RBFOX1: variants seen among roughly 807,000 people sequenced by gnomAD.
RBFOX1 encodes RNA binding protein fox-1 homolog 1.
In RBFOX1, 8 loss-of-function variants were observed where a neutral mutation model predicts 57.7. The observed-to-expected ratio is 0.14, with a 90% CI of 0.08 to 0.25. The LOEUF is 0.25. Among genes scored for constraint, RBFOX1 ranks in the 10% least tolerant of loss-of-function variants. The pLI is 1.00. For missense variants in RBFOX1, 611 were observed against 548.5 expected (o/e 1.11, Z -1.14); for synonymous variants, 326 against 222.4 (o/e 1.47, Z -4.15).
chr16:5,750,331 G>A (rs1341650881), intron 3 of RBFOX1, among the ~76,000 whole-genome samples: 1 of 152,200 alleles, frequency 6.6e-6, no homozygotes, highest in Non-Finnish European at 1.5e-5. Context: ...TACTTGAGGA[G>A]GCAGACTGTC....
At chr16:5,641,315 C>T (rs370131436) in intron 3 of RBFOX1, among the ~76,000 whole-genome samples, 1 of 152,348 alleles carries the variant, frequency 6.6e-6, no homozygotes, top group African/African-American at 2.4e-5. Context: ...AAGACAAAGT[C>T]TCTGATCTCA....
At chr16:6,740,911 T>C (rs577752873) in intron 3 of RBFOX1, among the ~76,000 whole-genome samples, 2 of 152,306 alleles carry the variant, frequency 1.3e-5, no homozygotes, top group East Asian at 3.9e-4. Context: ...CTAGAGTTGT[T>C]AACACAATTT....
chr16:6,915,257 C>T (rs1053614479), intron 3 of RBFOX1, among the ~76,000 whole-genome samples: 2 of 152,106 alleles, frequency 1.3e-5, no homozygotes, highest in Non-Finnish European at 2.9e-5. Flanking sequence ...AGCATTTCTA[C>T]TAATTCCCTC....
intron 4 of RBFOX1, among the ~76,000 whole-genome samples, chr16:7,419,154 C>A (rs1374281515): frequency 6.6e-6 from 1 of 152,172 alleles, no homozygotes; most frequent in East Asian, 1.9e-4. Flanking sequence ...GCAGTTCACC[C>A]ACCGTGGCCT....
At chr16:5,486,941 C>T (rs764356020) in intron 2 of RBFOX1, among the ~76,000 whole-genome samples, 1 of 152,196 alleles carries the variant, frequency 6.6e-6, no homozygotes, top group Non-Finnish European at 1.5e-5. Context: ...TTCCCTTCTT[C>T]TTCAATGCTC....
chr16:7,503,897 T>A, intron 4 of RBFOX1, among the ~76,000 whole-genome samples: 1 of 152,054 alleles, frequency 6.6e-6, no homozygotes, highest in Non-Finnish European at 1.5e-5. Context: ...GTGGTGATGG[T>A]TGGTTGGTAT....
intron 4 of RBFOX1, among the ~76,000 whole-genome samples, chr16:7,116,276 G>C (rs1036266339): frequency 6.6e-6 from 1 of 152,084 alleles, no homozygotes; most frequent in African/African-American, 2.4e-5. Context: ...CTGGCTATCC[G>C]AGCTGCTCTA....
In RBFOX1 at chr16:7,052,547, T is replaced by C. The variant is rs972832187; in HGVS notation, c.27+449T>C. Among the ~76,000 whole-genome samples the C allele has an allele frequency of 1.2e-4, 18 of 152,156 alleles. 1 individual carries two copies. Among genetic ancestry groups the C allele is most frequent in the African/African-American group, 3.6e-4 (15 of 41,438 alleles). On this transcript the variant is annotated intron_variant, in intron 4 of 15. Transcript: ENST00000550418. The stretch of plus-strand genomic sequence containing the variant: ...GCGTTTTCTGGGAGAATTTGTGTTA[T>C]CTATAGACCTCTTGGTTTTAGTGAC...
rs192917562 is a variant in RBFOX1 at position 7,011,937 on chromosome 16, G to A, written c.-15-40120G>A. Among the ~76,000 whole-genome samples the A allele has an allele frequency of 2.6e-5, 4 of 152,266 alleles. No homozygotes were observed. The East Asian group carries it at 7.7e-4, about 29-fold the overall frequency. On this transcript the variant is annotated intron_variant, in intron 3 of 15. Transcript: ENST00000550418. Reference sequence around the variant, plus strand: ...CCCCATCTTCTGCACATTTCTCTCTGGAAATACGCCCTTCATTAATCCTCT... The same window carrying A: ...CCCCATCTTCTGCACATTTCTCTCTAGAAATACGCCCTTCATTAATCCTCT...
chr16:7,021,875 TTCTC>T (rs1247594461), intron 3 of RBFOX1, among the ~76,000 whole-genome samples: 24 of 150,904 alleles, frequency 1.6e-4, no homozygotes, highest in South Asian at 6.3e-4. Flanking sequence ...AGAACCTTCT[TTCTC>T]TCTCTTTCTT....
chr16:6,287,602 A>T (rs1306180332), intron 1 of RBFOX1, among the ~76,000 whole-genome samples: 3 of 152,314 alleles, frequency 2.0e-5, no homozygotes, highest in East Asian at 1.9e-4. Context: ...TAAACATTTG[A>T]TGAATGACTA....
At chr16:6,967,051 C>T (rs1329556196) in intron 3 of RBFOX1, among the ~76,000 whole-genome samples, 1 of 152,162 alleles carries the variant, frequency 6.6e-6, no homozygotes. Context: ...CATCCACCCT[C>T]CATCTATCCA....
At chr16:6,076,319 C>T (rs1010391966) in intron 1 of RBFOX1, among the ~76,000 whole-genome samples, 17 of 150,902 alleles carry the variant, frequency 1.1e-4, no homozygotes, top group South Asian at 2.1e-4. Context: ...AAACAACAAA[C>T]GCACAAACAC....
Position 6,517,533 on chromosome 16 carries a change from G to A in RBFOX1, c.-63-137070G>A, listed in dbSNP as rs77398325. Among the ~76,000 whole-genome samples, 911 of 152,214 alleles carry A rather than the reference G, an allele frequency of 6.0e-3. 9 individuals are homozygous for A. The highest frequency in any genetic ancestry group is 6.5e-3 in the Non-Finnish European group (444 of 68,026). ...GCAGCACTTCTCCACCTACACTGCC[G>A]AAGTGGGAGAGGATGTGAGGATTTA... On this transcript the variant is annotated intron_variant, in intron 2 of 15. Coordinates refer to ENST00000550418, the MANE Select transcript of RBFOX1 (RefSeq NM_018723.4).
intron 4 of RBFOX1, among the ~76,000 whole-genome samples, chr16:5,894,681 A>T (rs564756872): frequency 6.6e-6 from 1 of 152,278 alleles, no homozygotes; most frequent in East Asian, 1.9e-4. Context: ...TGAGAAATAC[A>T]TTGGACCATG....
At chr16:5,275,995 A>G (rs2063131325) in intron 1 of RBFOX1, among the ~76,000 whole-genome samples, 1 of 152,232 alleles carries the variant, frequency 6.6e-6, no homozygotes, top group South Asian at 2.1e-4. Context: ...TAAAAGAATA[A>G]AACTGGATCC....
chr16:7,158,375 G>A (rs1339893346), intron 4 of RBFOX1, among the ~76,000 whole-genome samples: 3 of 152,088 alleles, frequency 2.0e-5, no homozygotes, highest in Admixed American at 6.6e-5. Flanking sequence ...CAGGGTTAGG[G>A]TTATCACAAC....
At chr16:6,390,554 G>GAA (rs59929765) in intron 2 of RBFOX1, among the ~76,000 whole-genome samples, 3 of 145,770 alleles carry the variant, frequency 2.1e-5, no homozygotes, top group African/African-American at 5.0e-5. Flanking sequence ...GAGGGAGTGA[G>GAA]AAAAAAAAAA....
rs75590283 is a variant in RBFOX1, at chr16:7,485,001, C to T, written c.28-33146C>T. On this transcript the variant is annotated intron_variant, in intron 4 of 15. Coordinates refer to ENST00000550418, the MANE Select transcript of RBFOX1 (RefSeq NM_018723.4). ...TGTCTGGGTTTTCATAACTCAGTTG[C>T]ATTTTTATGTCTTGCATATCAAAAT... is the stretch of plus-strand genomic sequence containing the variant. 6.3e-3 allele frequency among the ~76,000 whole-genome samples: 950 copies of T among 151,974 alleles called. 7 individuals are homozygous for T. The highest frequency in any genetic ancestry group is 0.011 in the Non-Finnish European group (730 of 68,000).
Sources: allele counts gnomAD v4.1 joint callset (sites outside exome capture counted in the v4.1 genomes callset), GRCh38; gene constraint gnomAD v4.1.1; transcripts MANE v1.5; gene names NCBI Gene and HGNC (gene_info 2026-07-23, HGNC 2026-07-21).